SLC4A10: variants seen among roughly 807,000 people sequenced by gnomAD.
The protein encoded by SLC4A10 is solute carrier family 4 member 10, also known as sodium-driven chloride bicarbonate exchanger.
Under a neutral mutation model 137.7 loss-of-function variants are expected in SLC4A10, and 42 were observed. The ratio of observed to expected loss-of-function variants is 0.30; its 90% CI spans 0.24 to 0.39. The LOEUF is 0.39. SLC4A10 is among the 10% of genes least tolerant of loss of function. SLC4A10 has a pLI of 1.00. For missense variants in SLC4A10, 925 were observed against 1,355.0 expected, an observed-to-expected ratio of 0.68 and a Z score of 4.98; for synonymous variants, 474 against 464.1, an observed-to-expected ratio of 1.02 and a Z score of -0.27.
intron 3 of SLC4A10, among the ~76,000 whole-genome samples, chr2:161,834,719 T>C (rs1001381089): frequency 6.6e-6 from 1 of 151,408 alleles, no homozygotes; most frequent in African/African-American, 2.4e-5. Context: ...TTAACACCTT[T>C]GGGTGTCTTC....
chr2:161,712,693 T>C lies in SLC4A10; in HGVS notation c.49-58280T>C, dbSNP rs2044419864. The stretch of plus-strand genomic sequence containing the variant: ...TGTAAAAACATTTATCTGCTTAAAA[T>C]TCTCAATAAACTTCAAAGAGAAGTG... On this transcript the variant is annotated intron_variant, in intron 1 of 26. Coordinates refer to ENST00000446997, the MANE Select transcript of SLC4A10 (RefSeq NM_001178015.2). 2.0e-5 allele frequency among the ~76,000 whole-genome samples: 3 copies of C among 151,974 alleles called. No individual in the cohort carries two copies. The South Asian group carries it at 6.2e-4, about 31-fold the overall frequency.
chr2:161,780,104 T>C (rs12692642), intron 2 of SLC4A10, among the ~76,000 whole-genome samples: 50,702 of 151,850 alleles, frequency 0.33, 10,712 homozygotes, highest in Non-Finnish European at 0.49. Flanking sequence ...ATCCATCATG[T>C]CAGAACAAGA....
chr2:161,818,461 C>T (rs2057318363), intron 3 of SLC4A10, among the ~76,000 whole-genome samples: 1 of 152,244 alleles, frequency 6.6e-6, no homozygotes. Context: ...TAATTGAATG[C>T]CCTTTATTTC....
At chr2:161,745,161 C>G (rs1389592418) in intron 1 of SLC4A10, among the ~76,000 whole-genome samples, 1 of 152,178 alleles carries the variant, frequency 6.6e-6, no homozygotes, top group Non-Finnish European at 1.5e-5. Flanking sequence ...CAATCTCTCT[C>G]GCTACCTTCT....
At chr2:161,624,799 A>G (rs768885803) in intron 1 of SLC4A10, among the ~76,000 whole-genome samples, 3 of 151,300 alleles carry the variant, frequency 2.0e-5, no homozygotes, top group Non-Finnish European at 4.4e-5. Context: ...GAAATGTCTC[A>G]TGTTTGCTGC....
intron 1 of SLC4A10, among the ~76,000 whole-genome samples, chr2:161,764,183 A>G (rs1273757616): frequency 6.6e-6 from 1 of 152,186 alleles, no homozygotes; most frequent in African/African-American, 2.4e-5. Flanking sequence ...TATAAAATGA[A>G]TAAGAAGGAT....
chr2:161,939,169 C>G (rs141719414), intron 15 of SLC4A10, among the ~76,000 whole-genome samples: 114 of 152,236 alleles, frequency 7.5e-4, no homozygotes, highest in African/African-American at 2.6e-3. Context: ...CTCTGTCTCC[C>G]AGGTTCAAGT....
chr2:161,816,386 A>G (rs2057058473), intron 3 of SLC4A10, among the ~76,000 whole-genome samples: 1 of 152,176 alleles, frequency 6.6e-6, no homozygotes, highest in South Asian at 2.1e-4. Flanking sequence ...TGCAGTATGA[A>G]TCTGTGAAAT....
chr2:161,947,873 A>G lies in SLC4A10; in HGVS notation c.2265+146A>G, dbSNP rs543711822. 1.5e-5 allele frequency: 13 copies of G among 885,132 alleles called. No homozygotes were observed. The African/African-American group carries it at 2.0e-4, about 14-fold the overall frequency. The allele number at this position is 885,132 out of a possible 1,614,324, so 54.8% of individuals were successfully genotyped here. A position where few individuals can be genotyped will look rare whatever the true frequency, so the allele number is the denominator to read the frequency against. ...GAGTGAGATGAGGGGCTGAAGAGAAAGAATTTGTGATGCAGGTGCTGGGAG... is the reference window on the plus strand; with the variant it reads ...GAGTGAGATGAGGGGCTGAAGAGAAGGAATTTGTGATGCAGGTGCTGGGAG... On this transcript the variant is annotated intron_variant, in intron 17 of 26. Coordinates refer to ENST00000446997, the MANE Select transcript of SLC4A10 (RefSeq NM_001178015.2).
At chr2:161,691,512 G>A (rs147592305) in intron 1 of SLC4A10, among the ~76,000 whole-genome samples, 2 of 152,134 alleles carry the variant, frequency 1.3e-5, no homozygotes, top group East Asian at 1.9e-4. Context: ...GACAGGATGG[G>A]TAGCCCATTT....
chr2:161,914,353 C>A (rs1367118956), intron 15 of SLC4A10, among the ~76,000 whole-genome samples: 1 of 151,980 alleles, frequency 6.6e-6, no homozygotes, highest in East Asian at 1.9e-4. Context: ...CCCACCCCAC[C>A]AAAAAAACTA....
At chr2:161,666,103 C>G (rs2039014630) in intron 1 of SLC4A10, among the ~76,000 whole-genome samples, 1 of 150,338 alleles carries the variant, frequency 6.7e-6, no homozygotes, top group Non-Finnish European at 1.5e-5. Context: ...TTAAAAAACC[C>G]AAAATAATAA....
intron 11 of SLC4A10, among the ~76,000 whole-genome samples, chr2:161,896,604 G>T (rs1172648398): frequency 1.3e-5 from 2 of 151,988 alleles, no homozygotes; most frequent in African/African-American, 4.8e-5. Context: ...TCTTCAAGGA[G>T]AACTACAAAC....
intron 6 of SLC4A10, among the ~76,000 whole-genome samples, chr2:161,870,800 A>G (rs993915664): frequency 6.6e-6 from 1 of 151,864 alleles, no homozygotes; most frequent in African/African-American, 2.4e-5. Flanking sequence ...ATTTCCCTAG[A>G]ATATGCTATA....
chr2:161,713,941 A>G (rs1204141283), intron 1 of SLC4A10, among the ~76,000 whole-genome samples: 1 of 151,824 alleles, frequency 6.6e-6, no homozygotes, highest in Non-Finnish European at 1.5e-5. Flanking sequence ...TATCAGATGC[A>G]GGAAGACGTC....
intron 3 of SLC4A10, among the ~76,000 whole-genome samples, chr2:161,819,858 T>A (rs1447302957): frequency 1.3e-5 from 2 of 152,200 alleles, no homozygotes; most frequent in East Asian, 3.8e-4. Context: ...TATTTTCAAC[T>A]GGGAACATGG....
intron 6 of SLC4A10, among the ~76,000 whole-genome samples, chr2:161,870,624 A>G (rs2061059240): frequency 6.6e-6 from 1 of 151,850 alleles, no homozygotes; most frequent in Admixed American, 6.6e-5. Context: ...GGTAGCACAA[A>G]TGCATTATGT....
chr2:161,822,312 T>A (rs1317159340), intron 3 of SLC4A10, among the ~76,000 whole-genome samples: 1 of 152,178 alleles, frequency 6.6e-6, no homozygotes, highest in Admixed American at 6.6e-5. Context: ...TTCAGAGACA[T>A]GGGGACCCTA....
intron 4 of SLC4A10, among the ~76,000 whole-genome samples, chr2:161,847,863 C>T (rs747583737): frequency 6.6e-6 from 1 of 151,990 alleles, no homozygotes; most frequent in Non-Finnish European, 1.5e-5. Flanking sequence ...TATGGTAGAA[C>T]GATTTATATT....
Sources: allele counts gnomAD v4.1 joint callset (sites outside exome capture counted in the v4.1 genomes callset), GRCh38; gene constraint gnomAD v4.1.1; transcripts MANE v1.5; gene names NCBI Gene and HGNC (gene_info 2026-07-23, HGNC 2026-07-21).